TRPM1: variants seen among roughly 807,000 people sequenced by gnomAD.
TRPM1 encodes TRPM1-203 APA Isoform, Intron 10.
Under a neutral mutation model 149.4 loss-of-function variants are expected in TRPM1, and 113 were observed. The observed-to-expected ratio is 0.76, with a 90% CI of 0.65 to 0.88. The LOEUF is 0.88. Among genes scored for constraint, TRPM1 ranks in the 40% least tolerant of loss-of-function variants. The pLI, the probability that TRPM1 is intolerant of heterozygous loss-of-function variation, is 0.00. For missense variants in TRPM1, 1,976 were observed against 2,038.7 expected (o/e 0.97, Z 0.59); for synonymous variants, 741 against 759.5 (o/e 0.98, Z 0.40).
intron 11 of TRPM1, chr15:31,060,120 C>CTGACACACACAT: frequency 1.1e-5 from 1 of 90,744 alleles, no homozygotes; most frequent in Non-Finnish European, 2.2e-5. Context: ...TACACACATA[C>CTGACACACACAT]AGACACACAC....
intron 3 of TRPM1, among the ~76,000 whole-genome samples, chr15:31,076,172 G>A (rs1019772531): frequency 1.2e-4 from 18 of 152,178 alleles, no homozygotes; most frequent in African/African-American, 3.9e-4. Context: ...AATCTGCAGG[G>A]TGGTGTGGGG....
At position 31,070,016 on chromosome 15, in the gene TRPM1, G is replaced by A; in HGVS notation, c.279+15C>T. On this transcript the variant is annotated intron_variant, in intron 4 of 27. Transcript: ENST00000256552. ...CTGTGATCCTAGTGGCACCATGTCT[G>A]AATGCCTTTCTCACCATGGCTTTAT... 1 of 1,614,236 alleles carries A rather than the reference G, an allele frequency of 6.2e-7. No homozygotes were observed.
chr15:31,101,795 G>A, upstream of TRPM1: 3 of 881,056 alleles, frequency 3.4e-6, no homozygotes, highest in Middle Eastern at 5.8e-4. Flanking sequence ...ACTTGGGCCT[G>A]GGCCCTCATG....
intron 1 of TRPM1, among the ~76,000 whole-genome samples, chr15:31,123,174 T>C (rs1229389496): frequency 1.3e-5 from 2 of 152,168 alleles, no homozygotes; most frequent in Non-Finnish European, 2.9e-5. Context: ...CCTTACACCG[T>C]TCACAAAAAT....
In TRPM1 at chr15:31,013,730, AGTT is replaced by A. The variant is rs1454764529; in HGVS notation, c.3630-10663_3630-10661del. Among the ~76,000 whole-genome samples the A allele has an allele frequency of 7.2e-5, 11 of 152,006 alleles. No homozygotes were observed. The East Asian group carries it at 7.7e-4, about 11-fold the overall frequency. Reference sequence around the variant, plus strand: ...AGTGTAGTTGTTGTTTGTTTAGTGTAGTTGTTGTTTGTTGTTTGTTTAGTGATT... The same window carrying A: ...AGTGTAGTTGTTGTTTGTTTAGTGTAGTTGTTTGTTGTTTGTTTAGTGATT... On this transcript the variant is annotated intron_variant, in intron 27 of 27. Transcript: ENST00000256552.
chr15:31,154,241 A>C (rs1015049495), intron 1 of TRPM1, among the ~76,000 whole-genome samples: 7 of 152,366 alleles, frequency 4.6e-5, no homozygotes, highest in Non-Finnish European at 8.8e-5. Flanking sequence ...TGAAAAATTT[A>C]GCAAGACAGC....
chr15:31,038,230 A>G, intron 18 of TRPM1, 64 bp from the exon 19 acceptor site: 2 of 1,575,832 alleles, frequency 1.3e-6, no homozygotes, highest in South Asian at 1.1e-5. Flanking sequence ...AGCATAGTTA[A>G]AATTTTTAAA....
chr15:31,045,803 G>T (rs2140934897), intron 16 of TRPM1, among the ~76,000 whole-genome samples: 1 of 152,350 alleles, frequency 6.6e-6, no homozygotes, highest in Non-Finnish European at 1.5e-5. Context: ...GATGGTCATA[G>T]ATATGATGCA....
chr15:31,069,806 A>G lies in TRPM1; in HGVS notation c.279+225T>C, dbSNP rs774286050. The G allele has an allele frequency of 8.8e-6, 13 of 1,481,850 alleles. 1 individual carries two copies. The African/African-American group carries it at 1.8e-4, about 21-fold the overall frequency. The allele number at this position is 1,481,850 out of a possible 1,614,324, so 91.8% of individuals were successfully genotyped here. On this transcript the variant is annotated intron_variant, in intron 4 of 27. Coordinates refer to ENST00000256552, the MANE Select transcript of TRPM1 (RefSeq NM_001252024.2). ...TGGTTTGTGGATTCAGAGCTTTGGTATGGATTTACGGGACACTAGATGTTC... is the reference window on the plus strand; with the variant it reads ...TGGTTTGTGGATTCAGAGCTTTGGTGTGGATTTACGGGACACTAGATGTTC...
chr15:31,154,592 A>G (rs902710123), intron 1 of TRPM1, among the ~76,000 whole-genome samples: 2 of 152,226 alleles, frequency 1.3e-5, no homozygotes, highest in African/African-American at 2.4e-5. Flanking sequence ...AACAAAGACT[A>G]TAACAGCCCT....
intron 27 of TRPM1, among the ~76,000 whole-genome samples, chr15:31,006,750 A>C (rs1157396403): frequency 2.0e-5 from 3 of 152,210 alleles, no homozygotes; most frequent in Non-Finnish European, 4.4e-5. Flanking sequence ...AGTGTATGCA[A>C]ATTCCAGTTG....
chr15:31,001,799 A>G lies in TRPM1; in HGVS notation c.*23T>C, dbSNP rs578196679. On this transcript the variant is annotated 3_prime_UTR_variant, in exon 28 of 28. Coordinates refer to ENST00000256552, the MANE Select transcript of TRPM1 (RefSeq NM_001252024.2). ...ATTAGTGGTTCTGACTGTTAAAAAA[A>G]AAAATTAAAGAAACAAAACAGACTA... 32 of 1,603,380 alleles carry G rather than the reference A, an allele frequency of 2.0e-5. No homozygotes were observed. The highest frequency in any genetic ancestry group is 2.5e-5 in the Non-Finnish European group (30 of 1,178,864).
intron 1 of TRPM1, among the ~76,000 whole-genome samples, chr15:31,147,999 AAAAC>A (rs1295188532): frequency 6.6e-6 from 1 of 152,150 alleles, no homozygotes; most frequent in African/African-American, 2.4e-5. Flanking sequence ...AATACAAAAC[AAAAC>A]AAACAAAAAA....
In TRPM1 at chr15:31,032,754, G is replaced by A. The variant is rs373140321; in HGVS notation, c.2887C>T (p.Arg963Cys). The A allele has an allele frequency of 1.9e-6, 3 of 1,614,122 alleles. No homozygotes were observed. The highest frequency in any genetic ancestry group is 1.7e-6 in the Non-Finnish European group (2 of 1,180,008). Residue 963 changes from arginine to cysteine, a missense_variant, in exon 22 of 28, where the codon CGT (arginine) becomes TGT (cysteine). Around this residue, in one of 3 missense-constraint regions of TRPM1, gnomAD observed 1,332 missense variants for 1,347.1 expected, o/e 0.99. Coordinates refer to ENST00000256552, the MANE Select transcript of TRPM1 (RefSeq NM_001252024.2). ...YCVDIIFWYI[R>C]VLDIFGVNKY... Reference sequence around the variant, plus strand: ...TTGACACCAAAGATGTCCAGGACACGGATGTACCAGAAGATGATATCCACA... The same window carrying A: ...TTGACACCAAAGATGTCCAGGACACAGATGTACCAGAAGATGATATCCACA...
intron 12 of TRPM1, among the ~76,000 whole-genome samples, chr15:31,050,009 G>C (rs2033902384): frequency 6.6e-6 from 1 of 152,220 alleles, no homozygotes; most frequent in African/African-American, 2.4e-5. Context: ...CTAAACTGCT[G>C]TTACCCCACA....
rs561408890 is a variant in TRPM1 at position 31,152,228 on chromosome 15, T to TAGTGGTGGGTCTGA, written c.54+8677_54+8678insTCAGACCCACCACT. Among the ~76,000 whole-genome samples, 3 of 152,344 alleles carry TAGTGGTGGGTCTGA rather than the reference T, an allele frequency of 2.0e-5. No individual in the cohort carries two copies. In the East Asian group the frequency reaches 5.8e-4, roughly 29 times the overall value. The stretch of plus-strand genomic sequence containing the variant: ...ACTCTGCTCAGGCATGGGCATGGAT[T>TAGTGGTGGGTCTGA]AGTGCCTGGGTCTGAAGTGCCCCCC... On this transcript the variant is annotated intron_variant, in intron 1 of 26. Coordinates refer to the TRPM1 transcript ENST00000542188.
intron 1 of TRPM1, among the ~76,000 whole-genome samples, chr15:31,117,169 G>C (rs1203923765): frequency 2.0e-5 from 3 of 152,230 alleles, no homozygotes; most frequent in Non-Finnish European, 4.4e-5. Context: ...GGCCAACATG[G>C]CAAAACCCCA....
At chr15:31,072,671 T>A (rs1010556682) in intron 3 of TRPM1, among the ~76,000 whole-genome samples, 2 of 152,146 alleles carry the variant, frequency 1.3e-5, no homozygotes, top group African/African-American at 2.4e-5. Context: ...TTTCTCCATA[T>A]CCTCTCCCAC....
At chr15:31,100,841 G>T (rs533551554) in intron 1 of TRPM1, among the ~76,000 whole-genome samples, 1 of 152,186 alleles carries the variant, frequency 6.6e-6, no homozygotes, top group African/African-American at 2.4e-5. Context: ...GCTTCTGGGC[G>T]TTTGGGTTGT....
Sources: allele counts gnomAD v4.1 joint callset (sites outside exome capture counted in the v4.1 genomes callset), GRCh38; gene constraint gnomAD v4.1.1; regional missense constraint gnomAD v4.1.1; transcripts MANE v1.5; gene names NCBI Gene and HGNC (gene_info 2026-07-23, HGNC 2026-07-21).